AGTPBP1: variants seen among roughly 807,000 people sequenced by gnomAD.
AGTPBP1 encodes ATP/GTP binding carboxypeptidase 1, also known as cytosolic carboxypeptidase 1.
A neutral mutation model predicts 143.9 loss-of-function variants in AGTPBP1; 70 were observed. The ratio of observed to expected loss-of-function variants is 0.49; its 90% CI spans 0.40 to 0.59. The LOEUF (loss-of-function observed/expected upper bound fraction) is 0.59. Ranked by LOEUF, AGTPBP1 falls within the 20% of genes least tolerant of loss-of-function variation. AGTPBP1 has a pLI of 0.00. For missense variants in AGTPBP1, 1,229 were observed against 1,464.5 expected (o/e 0.84, Z 2.62); for synonymous variants, 463 against 500.2 (o/e 0.93, Z 0.99).
chr9:85,702,868 A>C (rs1340546467), intron 2 of AGTPBP1, among the ~76,000 whole-genome samples: 1 of 152,068 alleles, frequency 6.6e-6, no homozygotes, highest in Non-Finnish European at 1.5e-5. Context: ...GGTTTACATA[A>C]TTGTTGAATA....
At chr9:85,753,093 C>T in the AGTPBP1 span, among the ~76,000 whole-genome samples, 2 of 152,090 alleles carry the variant, frequency 1.3e-5, no homozygotes, top group Non-Finnish European at 2.9e-5. Context: ...TACTCATTTT[C>T]TCTTTCTGTG....
At chr9:85,566,167 G>A (rs1045743876) in intron 25 of AGTPBP1, among the ~76,000 whole-genome samples, 3 of 152,172 alleles carry the variant, frequency 2.0e-5, no homozygotes, top group African/African-American at 7.2e-5. Context: ...CACAGATATA[G>A]TCTCTGGGGT....
At chr9:85,575,569 A>G in intron 24 of AGTPBP1, 94 bp from the exon 25 acceptor site, 6 of 1,014,954 alleles carry the variant, frequency 5.9e-6, no homozygotes, top group Non-Finnish European at 5.4e-6. Context: ...TTATAACTAT[A>G]TTAATAAAAT....
chr9:85,585,903 A>G (rs1828570216), intron 22 of AGTPBP1, among the ~76,000 whole-genome samples: 1 of 152,176 alleles, frequency 6.6e-6, no homozygotes, highest in African/African-American at 2.4e-5. Context: ...TGCTGCCCCA[A>G]ATGGTTGTAA....
At chr9:85,733,004 A>G (rs2134755653) in intron 1 of AGTPBP1, among the ~76,000 whole-genome samples, 1 of 152,334 alleles carries the variant, frequency 6.6e-6, no homozygotes, top group African/African-American at 2.4e-5. Flanking sequence ...GTAAAAATTA[A>G]CATAATTATG....
At chr9:85,624,249 T>TA (rs1831131532) in intron 14 of AGTPBP1, among the ~76,000 whole-genome samples, 1 of 152,164 alleles carries the variant, frequency 6.6e-6, no homozygotes, top group African/African-American at 2.4e-5. Flanking sequence ...ACAGAGAGTA[T>TA]AACATATATA....
rs530172518 is a variant in AGTPBP1 at position 85,669,427 on chromosome 9, A to G, written c.662+58T>C. ...ACCTGCTCATTGTACATATCAAGAT[A>G]ATGAGGCCCAGAGTAACAAAGGCTA... On this transcript the variant is annotated intron_variant, in intron 8 of 25. Coordinates refer to ENST00000357081, the MANE Select transcript of AGTPBP1 (RefSeq NM_001330701.2). The G allele has an allele frequency of 6.8e-5, 71 of 1,048,462 alleles. No homozygotes were observed. In the African/African-American group the frequency reaches 1.1e-3, roughly 16 times the overall value. 64.9% of individuals were successfully genotyped at this position (1,048,462 alleles called of 1,614,324 possible). A position where few individuals can be genotyped will look rare whatever the true frequency, so the allele number is the denominator to read the frequency against.
intron 17 of AGTPBP1, among the ~76,000 whole-genome samples, chr9:85,600,747 G>A (rs62566918): frequency 0.017 from 2,518 of 152,260 alleles, 30 homozygotes; most frequent in Middle Eastern, 0.054. Flanking sequence ...CACACGGGGT[G>A]TGACCTAAGC....
chr9:85,602,941 G>A (rs369234554), intron 17 of AGTPBP1, among the ~76,000 whole-genome samples: 4 of 152,290 alleles, frequency 2.6e-5, no homozygotes, highest in East Asian at 3.9e-4. Context: ...GAACTCAGCC[G>A]GTGTTCACGA....
chr9:85,655,831 T>C (rs1220899343), intron 10 of AGTPBP1, among the ~76,000 whole-genome samples: 2 of 152,126 alleles, frequency 1.3e-5, no homozygotes, highest in Non-Finnish European at 2.9e-5. Context: ...TTTTTGTTTC[T>C]TTGTTTTTGG....
chr9:85,606,429 A>T (rs2133380641), intron 17 of AGTPBP1, among the ~76,000 whole-genome samples: 1 of 152,146 alleles, frequency 6.6e-6, no homozygotes, highest in Admixed American at 6.5e-5. Context: ...ATGTGGAGAA[A>T]AGAGAACTCT....
chr9:85,602,949 C>T (rs560015197), intron 17 of AGTPBP1, among the ~76,000 whole-genome samples: 2 of 152,284 alleles, frequency 1.3e-5, no homozygotes, highest in Admixed American at 1.3e-4. Flanking sequence ...CCGGTGTTCA[C>T]GAAGGGAGTA....
the AGTPBP1 span, among the ~76,000 whole-genome samples, chr9:85,766,024 A>G: frequency 2.6e-5 from 4 of 152,024 alleles, no homozygotes; most frequent in African/African-American, 9.7e-5. Context: ...CCCAAGGGTT[A>G]TAGATTTGAA....
At chr9:85,658,794 G>C (rs569672021) in intron 9 of AGTPBP1, among the ~76,000 whole-genome samples, 3 of 152,210 alleles carry the variant, frequency 2.0e-5, no homozygotes, top group African/African-American at 7.2e-5. Context: ...ACACTCACTA[G>C]AGCTACGGAA....
chr9:85,756,290 C>A, the AGTPBP1 span: 1 of 1,493,638 alleles, frequency 6.7e-7, no homozygotes, highest in Non-Finnish European at 8.9e-7. Flanking sequence ...GGTTGTAAAC[C>A]ACTCCCCACT....
chr9:85,598,179 T>C (rs1191010700), intron 17 of AGTPBP1, among the ~76,000 whole-genome samples: 2 of 152,164 alleles, frequency 1.3e-5, no homozygotes, highest in African/African-American at 4.8e-5. Context: ...TCTCTCTCTC[T>C]CTCCCCTGAT....
intron 25 of AGTPBP1, among the ~76,000 whole-genome samples, chr9:85,553,503 T>C (rs911786233): frequency 3.9e-5 from 6 of 152,198 alleles, no homozygotes; most frequent in Admixed American, 1.3e-4. Context: ...GTTTGGTAGT[T>C]AGGTGTAGGA....
the AGTPBP1 span, among the ~76,000 whole-genome samples, chr9:85,790,920 T>C: frequency 6.6e-6 from 1 of 152,190 alleles, no homozygotes; most frequent in Non-Finnish European, 1.5e-5. Flanking sequence ...TACTTAATGA[T>C]TCTTGGAAAT....
chr9:85,710,689 AC>A (rs1452726091), intron 2 of AGTPBP1, among the ~76,000 whole-genome samples: 1 of 151,938 alleles, frequency 6.6e-6, no homozygotes, highest in Admixed American at 6.5e-5. Context: ...AACAACAACA[AC>A]AACAACAACA....
Sources: gnomAD v4.1 joint callset for allele counts (sites outside exome capture counted in the v4.1 genomes callset) on GRCh38, gnomAD v4.1.1 for gene constraint, MANE v1.5 for transcripts, NCBI Gene and HGNC (gene_info 2026-07-23, HGNC 2026-07-21) for gene names.